Variants in DENND1A observed in about 807,000 individuals in gnomAD.
DENND1A encodes DENN domain-containing protein 1A.
DENND1A carries 51 observed loss-of-function variants against 113.7 expected under a neutral mutation model. The observed-to-expected ratio is 0.45, with a 90% CI of 0.36 to 0.57. The LOEUF (loss-of-function observed/expected upper bound fraction) is 0.57, where lower values mean the gene tolerates loss of function less well. Among genes scored for constraint, DENND1A ranks in the 20% least tolerant of loss-of-function variants. The pLI is 0.00. For missense variants in DENND1A, 1,258 were observed against 1,395.9 expected (o/e 0.90, Z 1.57); for synonymous variants, 565 against 570.8 (o/e 0.99, Z 0.14).
intron 1 of DENND1A, among the ~76,000 whole-genome samples, chr9:123,885,835 A>G (rs1472883078): frequency 1.3e-5 from 2 of 152,032 alleles, no homozygotes; most frequent in Non-Finnish European, 2.9e-5. Flanking sequence ...GCTGGAGTGC[A>G]GTGGCATGAT....
At chr9:123,430,865 G>A (rs572620903) in intron 19 of DENND1A, among the ~76,000 whole-genome samples, 8 of 152,268 alleles carry the variant, frequency 5.3e-5, no homozygotes, top group East Asian at 3.9e-4. Context: ...AGCCAGGTGC[G>A]GTGGTGTGCA....
chr9:123,801,508 A>G (rs554144346), intron 2 of DENND1A, among the ~76,000 whole-genome samples: 2 of 152,172 alleles, frequency 1.3e-5, no homozygotes, highest in Non-Finnish European at 2.9e-5. Context: ...TAGATACCAC[A>G]TTGCTTATTA....
intron 3 of DENND1A, among the ~76,000 whole-genome samples, chr9:123,779,875 T>TTTTTTTTTTTG (rs1156777047): frequency 6.0e-5 from 9 of 151,230 alleles, no homozygotes; most frequent in Admixed American, 1.3e-4. Context: ...CATGAGACTT[T>TTTTTTTTTTTG]TTTTTGAGAC....
At chr9:123,707,864 T>G (rs1180970553) in intron 5 of DENND1A, among the ~76,000 whole-genome samples, 1 of 152,148 alleles carries the variant, frequency 6.6e-6, no homozygotes, top group African/African-American at 2.4e-5. Flanking sequence ...AGCTACATGC[T>G]TCCACAATAA....
intron 5 of DENND1A, among the ~76,000 whole-genome samples, chr9:123,678,179 C>A (rs181698410): frequency 6.6e-6 from 1 of 152,276 alleles, no homozygotes; most frequent in African/African-American, 2.4e-5. Flanking sequence ...TCTCAACAGA[C>A]CACATGCAAA....
chr9:123,887,717 A>C (rs1471935067), intron 1 of DENND1A, among the ~76,000 whole-genome samples: 1 of 151,986 alleles, frequency 6.6e-6, no homozygotes, highest in Non-Finnish European at 1.5e-5. Context: ...AACCACCATC[A>C]AGTCCTTGTG....
intron 1 of DENND1A, among the ~76,000 whole-genome samples, chr9:123,889,927 G>A (rs944189151): frequency 3.3e-5 from 5 of 151,876 alleles, no homozygotes; most frequent in Non-Finnish European, 5.9e-5. Context: ...CAGCCAAGAC[G>A]GCACCATTGC....
chr9:123,454,910 C>A lies in DENND1A; in HGVS notation c.1187-131G>T, dbSNP rs1007766287. 6 of 771,032 alleles carry A rather than the reference C, an allele frequency of 7.8e-6. No individual in the cohort carries two copies. The South Asian group carries it at 8.3e-5, about 11-fold the overall frequency. 47.8% of individuals were successfully genotyped at this position (771,032 alleles called of 1,614,324 possible). A position where few individuals can be genotyped will look rare whatever the true frequency, so the allele number is the denominator to read the frequency against. The stretch of plus-strand genomic sequence containing the variant: ...TCTCCCAGACTGGAGTGCAGTGGTG[C>A]GATCTCAGCTCCTGGGTTCAAGCAA... On this transcript the variant is annotated intron_variant, in intron 15 of 23. Coordinates refer to ENST00000394215, the MANE Select transcript of DENND1A (RefSeq NM_001352964.2).
chr9:123,481,913 A>G (rs2050372660), intron 13 of DENND1A, among the ~76,000 whole-genome samples: 1 of 148,544 alleles, frequency 6.7e-6, no homozygotes, highest in Non-Finnish European at 1.5e-5. Context: ...CTCATGCCTC[A>G]GCTACCTGAG....
intron 4 of DENND1A, among the ~76,000 whole-genome samples, chr9:123,760,020 G>A (rs539791034): frequency 4.6e-5 from 7 of 152,182 alleles, no homozygotes; most frequent in Non-Finnish European, 5.9e-5. Context: ...GGTATTTTTG[G>A]TTAAAAAATC....
At chr9:123,731,942 A>G (rs1376959492) in intron 5 of DENND1A, among the ~76,000 whole-genome samples, 1 of 152,244 alleles carries the variant, frequency 6.6e-6, no homozygotes, top group African/African-American at 2.4e-5. Context: ...AAGAAGATAT[A>G]CAAATGACAA....
intron 9 of DENND1A, among the ~76,000 whole-genome samples, chr9:123,640,921 T>TCC (rs752769585): frequency 6.6e-6 from 1 of 152,238 alleles, no homozygotes; most frequent in Non-Finnish European, 1.5e-5. Context: ...TACTCTCTCC[T>TCC]CCACTCCTGC....
chr9:123,469,226 C>T (rs1410872673), intron 13 of DENND1A, among the ~76,000 whole-genome samples: 2 of 152,242 alleles, frequency 1.3e-5, no homozygotes, highest in Non-Finnish European at 2.9e-5. Flanking sequence ...CCAGTCTGGG[C>T]CCCTGTCACT....
intron 2 of DENND1A, among the ~76,000 whole-genome samples, chr9:123,860,038 G>A (rs1844835508): frequency 1.3e-5 from 2 of 152,126 alleles, no homozygotes; most frequent in Non-Finnish European, 2.9e-5. Context: ...GGATGTGAAG[G>A]AAAGCATAAA....
rs193215472 is a variant in DENND1A at position 123,563,200 on chromosome 9, A to T, written c.868-5505T>A. On this transcript the variant is annotated intron_variant, in intron 12 of 23. Coordinates refer to ENST00000394215, the MANE Select transcript of DENND1A (RefSeq NM_001352964.2). ...CATGCTGAATGAGTCAGAGGGAACA[A>T]GGAGACTGGTCTTATACAACCACAA... 8.0e-4 allele frequency among the ~76,000 whole-genome samples: 122 copies of T among 152,306 alleles called. No individual in the cohort carries two copies. In the Middle Eastern group the frequency reaches 0.01, roughly 13 times the overall value.
rs546001517 is a variant in DENND1A, at chr9:123,516,884, C to CAAAA, written c.993+40682_993+40685dup. ...CTGGTGACAGAGTGAGACTCTGTCT[C>CAAAA]AAAAAAAAAAAAAAAAAAAAAAAAA... On this transcript the variant is annotated intron_variant, in intron 13 of 23. Transcript: ENST00000394215. Among the ~76,000 whole-genome samples the CAAAA allele has an allele frequency of 4.1e-4, 38 of 93,372 alleles. 3 individuals are homozygous for CAAAA. Among genetic ancestry groups the CAAAA allele is most frequent in the African/African-American group, 1.7e-3 (27 of 16,182 alleles). 61.3% of individuals were successfully genotyped at this position (93,372 alleles called of 152,430 possible).
chr9:123,381,372 G>A lies in DENND1A; in HGVS notation c.*60C>T. On this transcript the variant is annotated 3_prime_UTR_variant, in exon 24 of 24. Coordinates refer to ENST00000394215, the MANE Select transcript of DENND1A (RefSeq NM_001352964.2). This position sits in a 1 kb window ranked among gnomAD's most constrained non-coding sequence, Gnocchi z 4.7. ...GAGAGAGAGTGGCGGGGGAGCCTCG[G>A]AACCGCAGCAGTGGACGGACCCTCG... 2 of 1,480,478 alleles carry A rather than the reference G, an allele frequency of 1.4e-6. No homozygotes were observed. Among genetic ancestry groups the A allele is most frequent in the East Asian group, 4.8e-5 (2 of 42,102 alleles). 91.7% of individuals were successfully genotyped at this position (1,480,478 alleles called of 1,614,324 possible).
At chr9:123,921,059 G>A (rs1219287557) in intron 1 of DENND1A, among the ~76,000 whole-genome samples, 1 of 151,980 alleles carries the variant, frequency 6.6e-6, no homozygotes, top group Non-Finnish European at 1.5e-5. Flanking sequence ...CATTCTTACT[G>A]AAAGGAAGCA....
At chr9:123,832,033 C>T (rs1197070584) in intron 2 of DENND1A, among the ~76,000 whole-genome samples, 2 of 152,144 alleles carry the variant, frequency 1.3e-5, no homozygotes, top group Non-Finnish European at 2.9e-5. Flanking sequence ...TGTTGATTCA[C>T]TTGATTTAAT....
Sources: gnomAD v4.1 joint callset for allele counts (sites outside exome capture counted in the v4.1 genomes callset) on GRCh38, gnomAD v4.1.1 for gene constraint, Gnocchi (gnomAD v3.1) non-coding constraint, MANE v1.5 for transcripts, NCBI Gene and HGNC (gene_info 2026-07-23, HGNC 2026-07-21) for gene names.